The following USP25 variants were observed in gnomAD, a reference collection of about 807,000 sequenced individuals.
The protein encoded by USP25 is ubiquitin specific peptidase 25, also known as ubiquitin carboxyl-terminal hydrolase 25.
A neutral mutation model predicts 158.5 loss-of-function variants in USP25; 85 were observed. That is an observed-to-expected ratio of 0.54 (90% confidence interval 0.45 to 0.64). The LOEUF is 0.64. Ranked by LOEUF, USP25 falls within the 30% of genes least tolerant of loss-of-function variation. The pLI is 0.00. For synonymous variants in USP25, 464 were observed against 460.4 expected, an observed-to-expected ratio of 1.01 and a Z score of -0.10; for missense variants, 1,242 against 1,327.3, an observed-to-expected ratio of 0.94 and a Z score of 1.00.
chr21:15,757,330 CCTT>C (rs1455934245), intron 1 of USP25, among the ~76,000 whole-genome samples: 2 of 152,126 alleles, frequency 1.3e-5, no homozygotes, highest in Non-Finnish European at 2.9e-5. Context: ...TTCCACCTGG[CCTT>C]CTCCCCGATC....
At chr21:15,775,528 CTATAG>C (rs2034590691) in intron 3 of USP25, among the ~76,000 whole-genome samples, 1 of 152,130 alleles carries the variant, frequency 6.6e-6, no homozygotes, top group South Asian at 2.1e-4. Flanking sequence ...GAACATACTT[CTATAG>C]CTGCAGCCCA....
intron 1 of USP25, among the ~76,000 whole-genome samples, chr21:15,748,310 C>T (rs2032720336): frequency 6.6e-6 from 1 of 152,130 alleles, no homozygotes; most frequent in South Asian, 2.1e-4. Context: ...GAGACAGAGT[C>T]TTGCTCTCTT....
chr21:15,771,126 T>C (rs2034326573), intron 3 of USP25, among the ~76,000 whole-genome samples: 1 of 152,182 alleles, frequency 6.6e-6, no homozygotes, highest in Non-Finnish European at 1.5e-5. Context: ...TTATAGACCA[T>C]TAAGAAAGCA....
chr21:15,757,427 G>T (rs897469060), intron 1 of USP25, among the ~76,000 whole-genome samples: 1 of 151,906 alleles, frequency 6.6e-6, no homozygotes, highest in Non-Finnish European at 1.5e-5. Flanking sequence ...TTTTTTCTAG[G>T]ATATTTGTCT....
chr21:15,826,066 C>T lies in USP25; in HGVS notation c.1305-138C>T. Reference sequence around the variant, plus strand: ...TTCTTAAGTGTATATTCAGTTTTACCATCTTCGTTTTAAAGCAAATGAATT... The same window carrying T: ...TTCTTAAGTGTATATTCAGTTTTACTATCTTCGTTTTAAAGCAAATGAATT... On this transcript the variant is annotated intron_variant, in intron 12 of 25. Transcript: ENST00000400183. This position sits in a 1 kb window ranked among gnomAD's most constrained non-coding sequence, Gnocchi z 4.8. 1 of 982,944 alleles carries T rather than the reference C, an allele frequency of 1.0e-6. No individual in the cohort carries two copies. The highest frequency in any genetic ancestry group is 1.8e-5 in the South Asian group (1 of 54,642). 60.9% of individuals were successfully genotyped at this position (982,944 alleles called of 1,614,324 possible). A position where few individuals can be genotyped will look rare whatever the true frequency, so the allele number is the denominator to read the frequency against.
chr21:15,847,172 A>G (rs1289685121), intron 18 of USP25, among the ~76,000 whole-genome samples: 5 of 152,312 alleles, frequency 3.3e-5, no homozygotes, highest in Admixed American at 2.6e-4. Flanking sequence ...ACAAATTCTG[A>G]TGAGTTTAGA....
chr21:15,852,931 T>C (rs1023192345), intron 20 of USP25, among the ~76,000 whole-genome samples: 1 of 152,158 alleles, frequency 6.6e-6, no homozygotes, highest in African/African-American at 2.4e-5. Flanking sequence ...TAGAAGCATT[T>C]GGACACAACT....
intron 6 of USP25, among the ~76,000 whole-genome samples, chr21:15,800,117 G>C (rs545316374): frequency 6.6e-6 from 1 of 151,028 alleles, no homozygotes; most frequent in Non-Finnish European, 1.5e-5. Flanking sequence ...AAACTTTATA[G>C]GCTATAGTTT....
rs2039565304 is a variant in USP25 at position 15,864,351 on chromosome 21, AGTG to A, written c.2634_2636del (p.Val879del). 6.2e-7 allele frequency: 1 copy of A among 1,613,726 alleles called. No individual in the cohort carries two copies. Among genetic ancestry groups the A allele is most frequent in the Non-Finnish European group, 8.5e-7 (1 of 1,179,886 alleles). ...AAACCGATTATCGTTTACATCATGT[AGTG>A]GTCTACTTTATCCAGAACCAGGCAC... On this transcript the variant is annotated inframe_deletion, in exon 21 of 26. Transcript: ENST00000400183.
At chr21:15,846,046 A>C (rs1478586655) in intron 18 of USP25, among the ~76,000 whole-genome samples, 1 of 142,086 alleles carries the variant, frequency 7.0e-6, no homozygotes, top group Non-Finnish European at 1.5e-5. Context: ...CATGCTGATC[A>C]TTTCCTGTTG....
At chr21:15,790,743 G>T (rs1013846158) in intron 4 of USP25, among the ~76,000 whole-genome samples, 4 of 151,416 alleles carry the variant, frequency 2.6e-5, no homozygotes, top group Admixed American at 2.6e-4. Flanking sequence ...GGGAACCAGG[G>T]TTTTCCAGTT....
At chr21:15,783,911 A>G (rs1282662432) in intron 4 of USP25, among the ~76,000 whole-genome samples, 3 of 152,102 alleles carry the variant, frequency 2.0e-5, no homozygotes, top group African/African-American at 2.4e-5. Flanking sequence ...CGGAGCTTGC[A>G]GTGAGCCGAG....
chr21:15,861,356 A>T (rs990483631), intron 20 of USP25, among the ~76,000 whole-genome samples: 2 of 152,148 alleles, frequency 1.3e-5, no homozygotes, highest in Non-Finnish European at 2.9e-5. Flanking sequence ...AAAAAAGTTA[A>T]AAAAATTAAA....
At chr21:15,852,394 C>G (rs374912157) in intron 20 of USP25, among the ~76,000 whole-genome samples, 116 of 152,220 alleles carry the variant, frequency 7.6e-4, no homozygotes, top group Middle Eastern at 3.4e-3. Flanking sequence ...GCAAATTATT[C>G]AATCTTTGTA....
At chr21:15,833,326 G>C in intron 16 of USP25, 22 bp from the exon 17 acceptor site, 1 of 1,596,992 alleles carries the variant, frequency 6.3e-7, no homozygotes, top group Non-Finnish European at 8.5e-7. Context: ...TTTTATACTA[G>C]TTTTTGAAAT....
chr21:15,754,392 GA>G (rs2033240541), intron 1 of USP25, among the ~76,000 whole-genome samples: 1 of 152,200 alleles, frequency 6.6e-6, no homozygotes, highest in African/African-American at 2.4e-5. Flanking sequence ...TATGTACCAG[GA>G]GTACAGTGAT....
At chr21:15,838,234 G>A (rs1349965255) in intron 17 of USP25, among the ~76,000 whole-genome samples, 1 of 151,518 alleles carries the variant, frequency 6.6e-6, no homozygotes, top group East Asian at 1.9e-4. Context: ...CAGGCCTGGT[G>A]GTGTTCTTAT....
intron 9 of USP25, among the ~76,000 whole-genome samples, chr21:15,814,407 T>C (rs1233611731): frequency 1.3e-5 from 2 of 151,944 alleles, no homozygotes; most frequent in East Asian, 3.9e-4. Context: ...ACTTTGGAGA[T>C]AGGTAACAGG....
intron 11 of USP25, among the ~76,000 whole-genome samples, chr21:15,824,407 A>C (rs1011240820): frequency 1.3e-5 from 2 of 152,222 alleles, no homozygotes; most frequent in Non-Finnish European, 2.9e-5. Flanking sequence ...TCAGAATTTT[A>C]AAAAATACCA....
Sources: allele counts gnomAD v4.1 joint callset (sites outside exome capture counted in the v4.1 genomes callset), GRCh38; gene constraint gnomAD v4.1.1; non-coding constraint Gnocchi (gnomAD v3.1); transcripts MANE v1.5; gene names NCBI Gene and HGNC (gene_info 2026-07-23, HGNC 2026-07-21).